ENOSF1: variants seen among roughly 807,000 people sequenced by gnomAD.
ENOSF1 encodes the protein enolase superfamily member 1, also known as mitochondrial enolase superfamily member 1.
Under a neutral mutation model 68.2 loss-of-function variants are expected in ENOSF1, and 73 were observed. The observed-to-expected ratio is 1.07, with a 90% CI of 0.89 to 1.30. The LOEUF is 1.30. Among genes scored for constraint, ENOSF1 ranks in the 50% most tolerant of loss-of-function variants. ENOSF1 has a pLI of 0.00. For missense variants in ENOSF1, 589 were observed against 554.5 expected (o/e 1.06, Z -0.62); for synonymous variants, 223 against 210.4 (o/e 1.06, Z -0.52).
At chr18:693,175 C>A in intron 5 of ENOSF1, 3 of 1,289,134 alleles carry the variant, frequency 2.3e-6, no homozygotes, top group Non-Finnish European at 3.0e-6. Context: ...GTTGTTCACC[C>A]CTGCTATGAA....
chr18:690,969 A>G, intron 7 of ENOSF1, 99 bp downstream of exon 7: 4 of 1,386,938 alleles, frequency 2.9e-6, no homozygotes, highest in East Asian at 2.3e-5. Context: ...TGCTCAGCAC[A>G]GGGCATTTGG....
At chr18:682,707 A>C (rs1312273751) in intron 11 of ENOSF1, among the ~76,000 whole-genome samples, 28 of 147,814 alleles carry the variant, frequency 1.9e-4, no homozygotes, top group African/African-American at 6.6e-4. Flanking sequence ...CATCTCTACT[A>C]AAAATACCAA....
At chr18:703,685 C>T (rs935774387) in intron 2 of ENOSF1, among the ~76,000 whole-genome samples, 18 of 152,220 alleles carry the variant, frequency 1.2e-4, no homozygotes, top group African/African-American at 4.3e-4. Flanking sequence ...CAAAGCATTA[C>T]TTCTGCTCTG....
intron 11 of ENOSF1, among the ~76,000 whole-genome samples, chr18:682,368 C>T (rs558314939): frequency 9.9e-5 from 15 of 152,256 alleles, no homozygotes; most frequent in African/African-American, 3.6e-4. Flanking sequence ...AGTATCTAAA[C>T]ATACTTAAAC....
rs775099636 is a variant in ENOSF1, at chr18:672,592, G to C, written c.*1713C>G. On this transcript the variant is annotated 3_prime_UTR_variant, in exon 16 of 16. Transcript: ENST00000647584. Reference sequence around the variant, plus strand: ...CCTGTCTTTAATAAATTTGCCAAGAGTGGTTATAAGAACTTACACCTGATG... The same window carrying C: ...CCTGTCTTTAATAAATTTGCCAAGACTGGTTATAAGAACTTACACCTGATG... 2 of 281,728 alleles carry C rather than the reference G, an allele frequency of 7.1e-6. No individual in the cohort carries two copies. Among genetic ancestry groups the C allele is most frequent in the Non-Finnish European group, 1.3e-5 (2 of 149,130 alleles). 17.5% of individuals were successfully genotyped at this position (281,728 alleles called of 1,614,324 possible).
At chr18:665,354 T>A (rs201810834), downstream of ENOSF1, among the ~76,000 whole-genome samples, 1 of 146,170 alleles carries the variant, frequency 6.8e-6, no homozygotes, top group Non-Finnish European at 1.5e-5. Context: ...TCTGTGGGAT[T>A]GGTGGTGATA....
At chr18:683,624 G>C (rs141163394) in intron 10 of ENOSF1, among the ~76,000 whole-genome samples, 20 of 152,216 alleles carry the variant, frequency 1.3e-4, no homozygotes, top group African/African-American at 4.8e-4. Context: ...GGAGCCACTG[G>C]ATGTCCAGCA....
At chr18:709,993 T>A (rs982863531) in intron 1 of ENOSF1, among the ~76,000 whole-genome samples, 1 of 152,230 alleles carries the variant, frequency 6.6e-6, no homozygotes, top group Non-Finnish European at 1.5e-5. Context: ...CTCCCCAAGA[T>A]AAAATGCTTA....
intron 15 of ENOSF1, 55 bp downstream of exon 15, chr18:675,266 G>A: frequency 7.4e-7 from 1 of 1,350,488 alleles, no homozygotes; most frequent in Non-Finnish European, 1.0e-6. Flanking sequence ...CACGAGACAG[G>A]CGTGGCAGTG....
At chr18:712,128 G>A (rs991930851) in intron 1 of ENOSF1, among the ~76,000 whole-genome samples, 11 of 152,312 alleles carry the variant, frequency 7.2e-5, no homozygotes, top group African/African-American at 2.6e-4. Flanking sequence ...AGCAAAATGT[G>A]AGTCGTAAAA....
chr18:667,939 G>A (rs529819922), downstream of ENOSF1, among the ~76,000 whole-genome samples: 27 of 146,972 alleles, frequency 1.8e-4, no homozygotes, highest in Non-Finnish European at 3.4e-4. Flanking sequence ...TTGGATTTTA[G>A]TAGGAAAGTT....
intron 2 of ENOSF1, among the ~76,000 whole-genome samples, chr18:698,221 T>C (rs2077951551): frequency 6.6e-6 from 1 of 152,244 alleles, no homozygotes; most frequent in Non-Finnish European, 1.5e-5. Flanking sequence ...AACAGAATCA[T>C]AGATTGACAA....
Position 672,695 on chromosome 18 carries a change from C to T in ENOSF1, c.*1610G>A, listed in dbSNP as rs1274161680. 4 of 637,714 alleles carry T rather than the reference C, an allele frequency of 6.3e-6. No homozygotes were observed. Among genetic ancestry groups the T allele is most frequent in the African/African-American group, 3.6e-5 (2 of 55,644 alleles). The allele number at this position is 637,714 out of a possible 1,614,324, so 39.5% of individuals were successfully genotyped here. A position where few individuals can be genotyped will look rare whatever the true frequency, so the allele number is the denominator to read the frequency against. ...ATCTGTGCAAGAGAACAGCTGGTTG[C>T]GCTCCAATCATGTTACATAACCTAC... On this transcript the variant is annotated 3_prime_UTR_variant, in exon 16 of 16. Transcript: ENST00000647584.
At chr18:709,600 G>A (rs1242105617) in intron 1 of ENOSF1, among the ~76,000 whole-genome samples, 2 of 151,948 alleles carry the variant, frequency 1.3e-5, no homozygotes, top group African/African-American at 2.4e-5. Flanking sequence ...GTGAAACCCC[G>A]TCTCTACCAA....
chr18:672,195 G>GT lies in ENOSF1; in HGVS notation c.*2109dup, dbSNP rs1185275960. ...ATTGATATGAAATGGCAATAAAAAT[G>GT]TAAGTTCATCTGCTTCATGAGCCTT... On this transcript the variant is annotated 3_prime_UTR_variant, in exon 16 of 16. Transcript: ENST00000647584. 3 of 152,210 alleles carry GT rather than the reference G, an allele frequency of 2.0e-5. No individual in the cohort carries two copies. Among genetic ancestry groups the GT allele is most frequent in the African/African-American group, 7.2e-5 (3 of 41,454 alleles). The allele number at this position is 152,210 out of a possible 1,614,324, so 9.4% of individuals were successfully genotyped here. A position where few individuals can be genotyped will look rare whatever the true frequency, so the allele number is the denominator to read the frequency against.
In ENOSF1 at chr18:675,306, C is replaced by T. The variant is rs777206006; in HGVS notation, c.1230+15G>A. The T allele has an allele frequency of 8.7e-6, 14 of 1,603,528 alleles. No homozygotes were observed. The East Asian group carries it at 2.0e-4, about 23-fold the overall frequency. ...GCAGCATCTCTTCTACAGGGGCCCT[C>T]AGGCCACAGCTTACCTTGGGAGGCA... On this transcript the variant is annotated intron_variant, in intron 15 of 15. Coordinates refer to ENST00000647584, the MANE Select transcript of ENOSF1 (RefSeq NM_017512.7).
intron 2 of ENOSF1, among the ~76,000 whole-genome samples, chr18:697,644 A>G (rs2077883986): frequency 1.3e-5 from 2 of 152,080 alleles, no homozygotes; most frequent in East Asian, 1.9e-4. Context: ...CCAGCTACTC[A>G]GGAGGCTGAG....
At chr18:693,350 C>T (rs2077397490) in intron 5 of ENOSF1, 2 of 1,196,508 alleles carry the variant, frequency 1.7e-6, no homozygotes, top group Non-Finnish European at 2.1e-6. Flanking sequence ...GAGACAGGGT[C>T]TTGCTCTGTC....
Position 674,113 on chromosome 18 carries a change from A to C in ENOSF1, c.*192T>G, listed in dbSNP as rs951459822. 3 of 505,332 alleles carry C rather than the reference A, an allele frequency of 5.9e-6. No homozygotes were observed. The African/African-American group carries it at 6.0e-5, about 10-fold the overall frequency. The allele number at this position is 505,332 out of a possible 1,614,324, so 31.3% of individuals were successfully genotyped here. On this transcript the variant is annotated 3_prime_UTR_variant, in exon 16 of 16. Transcript: ENST00000647584. ...TAAATCTAAACTTATTTAAGGATTA[A>C]GTAGGATAACGTGCATTGATTTGCT...
Sources: gnomAD v4.1 joint callset for allele counts (sites outside exome capture counted in the v4.1 genomes callset) on GRCh38, gnomAD v4.1.1 for gene constraint, MANE v1.5 for transcripts, NCBI Gene and HGNC (gene_info 2026-07-23, HGNC 2026-07-21) for gene names.